The following KCNQ2 variants were observed in gnomAD, a reference collection of about 807,000 sequenced individuals.
KCNQ2 encodes potassium voltage-gated channel subfamily KQT member 2.
In KCNQ2, 14 loss-of-function variants were observed where a neutral mutation model predicts 84.8. The ratio of observed to expected loss-of-function variants is 0.17; its 90% CI spans 0.11 to 0.26. The LOEUF (loss-of-function observed/expected upper bound fraction) is 0.26. Ranked by LOEUF, KCNQ2 falls within the 10% of genes least tolerant of loss-of-function variation. The pLI is 1.00. For synonymous variants in KCNQ2, 599 were observed against 554.1 expected, an observed-to-expected ratio of 1.08 and a Z score of -1.14; for missense variants, 788 against 1,254.0, an observed-to-expected ratio of 0.63 and a Z score of 5.61.
chr20:63,471,116 G>C (rs958829317), intron 1 of KCNQ2: 8 of 152,462 alleles, frequency 5.2e-5, no homozygotes, highest in Admixed American at 5.2e-4. Flanking sequence ...TCTCGGCCCA[G>C]GTGGGCGCCC....
At chr20:63,434,232 A>C (rs187237922) in intron 7 of KCNQ2, 76 of 371,226 alleles carry the variant, frequency 2.0e-4, no homozygotes, top group African/African-American at 1.4e-3. Flanking sequence ...GGCGGGTATC[A>C]CCTGTCCTGG....
chr20:63,425,773 T>C lies in KCNQ2; in HGVS notation c.1218-1567A>G, dbSNP rs569873617. ...TCAAAACGTCCCAAATCCCATCCTC[T>C]GAAGTCATGACAATCACTTAAATCA... On this transcript the variant is annotated intron_variant, in intron 10 of 16. Transcript: ENST00000359125. This position sits in a 1 kb window ranked among gnomAD's most constrained non-coding sequence, Gnocchi z 5.5. Among the ~76,000 whole-genome samples, 31 of 152,210 alleles carry C rather than the reference T, an allele frequency of 2.0e-4. No homozygotes were observed. Among genetic ancestry groups the C allele is most frequent in the South Asian group, 6.2e-4 (3 of 4,824 alleles).
rs1024047259 is a variant in KCNQ2, at chr20:63,438,983, T to C, written c.928-263A>G. On this transcript the variant is annotated intron_variant, in intron 6 of 16. Transcript: ENST00000359125. This position sits in a 1 kb window ranked among gnomAD's most constrained non-coding sequence, Gnocchi z 5.1. ...AAGGTCAGACTAATCCAGGAACCCA[T>C]ATCCCCACAATTTGTCAGCATCAAG... Among the ~76,000 whole-genome samples the C allele has an allele frequency of 1.3e-5, 2 of 152,036 alleles. No individual in the cohort carries two copies. Among genetic ancestry groups the C allele is most frequent in the Non-Finnish European group, 2.9e-5 (2 of 68,008 alleles).
intron 1 of KCNQ2, chr20:63,471,314 A>G (rs533460246): frequency 6.6e-6 from 1 of 152,384 alleles, no homozygotes; most frequent in Admixed American, 6.5e-5. Context: ...TCCACATGCG[A>G]ACACCCAGGT....
At chr20:63,413,692 GCCCC>G in intron 14 of KCNQ2, 111 bp from the exon 15 acceptor site, 1 of 1,210,680 alleles carries the variant, frequency 8.3e-7, no homozygotes, top group Non-Finnish European at 1.2e-6. Flanking sequence ...GGCTGGACTT[GCCCC>G]TCTTGTCTGC....
chr20:63,467,309 G>A (rs910326409), intron 1 of KCNQ2, among the ~76,000 whole-genome samples: 1 of 152,228 alleles, frequency 6.6e-6, no homozygotes, highest in African/African-American at 2.4e-5. Context: ...ACTCTGTGTA[G>A]CAGATTCATC....
At chr20:63,442,890 TCACCACCATCAC>T (rs2081245758) in intron 4 of KCNQ2, among the ~76,000 whole-genome samples, 4 of 6,280 alleles carry the variant, frequency 6.4e-4, no homozygotes, top group African/African-American at 6.5e-4. Context: ...ACCACCACCA[TCACCACCATCAC>T]CACCACCATC....
Position 63,438,390 on chromosome 20 carries a change from G to A in KCNQ2, c.1023+235C>T. On this transcript the variant is annotated intron_variant, in intron 7 of 16. Transcript: ENST00000359125. The surrounding 1 kb of genome is among the most constrained non-coding windows in gnomAD (Gnocchi z 5.1). ...GGCCGGGCCCCAGCACCCACACAAG[G>A]CAAGGGCCACCCCAGCGTCCTCACA... 1 of 600,980 alleles carries A rather than the reference G, an allele frequency of 1.7e-6. No homozygotes were observed. The allele number at this position is 600,980 out of a possible 1,614,324, so 37.2% of individuals were successfully genotyped here.
intron 4 of KCNQ2, among the ~76,000 whole-genome samples, chr20:63,443,952 G>A (rs2081340293): frequency 6.6e-6 from 1 of 152,204 alleles, no homozygotes; most frequent in Admixed American, 6.5e-5. Context: ...ACCTCCCTGA[G>A]CCTCCGGGCA....
rs2081215342 is a variant in KCNQ2 at position 63,442,715 on chromosome 20, A to T, written c.691-184T>A. On this transcript the variant is annotated intron_variant, in intron 4 of 16. Coordinates refer to ENST00000359125, the MANE Select transcript of KCNQ2 (RefSeq NM_172107.4). The stretch of plus-strand genomic sequence containing the variant: ...CATCACCACCATCACCATCACCACC[A>T]CCACCACCATCATCACCACCTCCAC... 2.7e-5 allele frequency among the ~76,000 whole-genome samples: 3 copies of T among 111,992 alleles called. 1 individual carries two copies. The highest frequency in any genetic ancestry group is 5.6e-5 in the Non-Finnish European group (3 of 53,780). 73.5% of individuals were successfully genotyped at this position (111,992 alleles called of 152,430 possible). A position where few individuals can be genotyped will look rare whatever the true frequency, so the allele number is the denominator to read the frequency against.
rs2081435648 is a variant in KCNQ2 at position 63,446,676 on chromosome 20, G to T, written c.387+71C>A. 7.6e-7 allele frequency: 1 copy of T among 1,316,826 alleles called. No homozygotes were observed. The highest frequency in any genetic ancestry group is 1.1e-6 in the Non-Finnish European group (1 of 911,350). 81.6% of individuals were successfully genotyped at this position (1,316,826 alleles called of 1,614,324 possible). ...CAGAGGCCCTGTAGTAACAGGAACG[G>T]AAGACAGACGCCCAGGCAGCTCCAG... is the stretch of plus-strand genomic sequence containing the variant. On this transcript the variant is annotated intron_variant, in intron 2 of 16. Coordinates refer to ENST00000359125, the MANE Select transcript of KCNQ2 (RefSeq NM_172107.4). The surrounding 1 kb of genome is among the most constrained non-coding windows in gnomAD (Gnocchi z 5.5).
At chr20:63,461,868 C>T (rs1229576412) in intron 1 of KCNQ2, among the ~76,000 whole-genome samples, 2 of 142,022 alleles carry the variant, frequency 1.4e-5, no homozygotes, top group African/African-American at 5.3e-5. Context: ...AGCACCTACC[C>T]CGGGGCAGCA....
At chr20:63,424,111 G>A (rs534116909) in intron 11 of KCNQ2, 66 bp downstream of exon 11, 41 of 1,520,700 alleles carry the variant, frequency 2.7e-5, no homozygotes, top group East Asian at 1.5e-4. Context: ...TTGCGCACAC[G>A]TGTGGGAGAG....
At chr20:63,443,424 T>TCACCATCACCAC (rs1568937835) in intron 4 of KCNQ2, among the ~76,000 whole-genome samples, 1 of 36,616 alleles carries the variant, frequency 2.7e-5, no homozygotes, top group Admixed American at 2.5e-4. Context: ...ATCACCACCA[T>TCACCATCACCAC]CATCACCATC....
At position 63,445,146 on chromosome 20, in the gene KCNQ2, G is replaced by A. The variant is rs149064878; in HGVS notation, c.514+92C>T. On this transcript the variant is annotated intron_variant, in intron 3 of 16. Coordinates refer to ENST00000359125, the MANE Select transcript of KCNQ2 (RefSeq NM_172107.4). ...GAGCCAGTCCTGCCCAGCCTCTCTG[G>A]CCCACGCAGACGCCCCAGCTCCCCC... 3.9e-3 allele frequency: 6,074 copies of A among 1,557,818 alleles called. 26 individuals are homozygous for A. Among genetic ancestry groups the A allele is most frequent in the Non-Finnish European group, 3.8e-3 (4,266 of 1,130,756 alleles).
rs2082245511 is a variant in KCNQ2, at chr20:63,472,598, G to A, written c.-135C>T. ...GGCGGCGGTTCCGCACTCCTGCCGGGCTTGGGCCGCGCGCGGAGACGCTGC... is the reference window on the plus strand; with the variant it reads ...GGCGGCGGTTCCGCACTCCTGCCGGACTTGGGCCGCGCGCGGAGACGCTGC... On this transcript the variant is annotated 5_prime_UTR_variant, in exon 1 of 17. Coordinates refer to ENST00000359125, the MANE Select transcript of KCNQ2 (RefSeq NM_172107.4). 3 of 686,576 alleles carry A rather than the reference G, an allele frequency of 4.4e-6. No individual in the cohort carries two copies. The highest frequency in any genetic ancestry group is 5.7e-6 in the Non-Finnish European group (3 of 529,012). The allele number at this position is 686,576 out of a possible 1,614,324, so 42.5% of individuals were successfully genotyped here.
intron 10 of KCNQ2, among the ~76,000 whole-genome samples, chr20:63,427,146 C>T (rs1023003860): frequency 6.6e-6 from 1 of 152,214 alleles, no homozygotes; most frequent in African/African-American, 2.4e-5. Flanking sequence ...CACTTGTACC[C>T]GGGAAGTGGA....
rs1256624166 is a variant in KCNQ2 at position 63,407,610 on chromosome 20, G to C, written c.1888-235C>G. Among the ~76,000 whole-genome samples, 6 of 151,488 alleles carry C rather than the reference G, an allele frequency of 4.0e-5. No homozygotes were observed. The highest frequency in any genetic ancestry group is 3.9e-4 in the Admixed American group (6 of 15,234). On this transcript the variant is annotated intron_variant, in intron 16 of 16. Transcript: ENST00000359125. The surrounding 1 kb of genome is among the most constrained non-coding windows in gnomAD (Gnocchi z 7.2). ...CAGGAAACAGGAGAGACCCAGGCTA[G>C]TCCCAGGAAATGGGGGACCCAGGCT... is the stretch of plus-strand genomic sequence containing the variant.
At chr20:63,428,946 G>C (rs983647546) in intron 9 of KCNQ2, among the ~76,000 whole-genome samples, 2 of 152,062 alleles carry the variant, frequency 1.3e-5, no homozygotes, top group African/African-American at 4.8e-5. Context: ...GAGTCTATAG[G>C]ATGAGCCCAG....
Sources: gnomAD v4.1 joint callset for allele counts (sites outside exome capture counted in the v4.1 genomes callset) on GRCh38, gnomAD v4.1.1 for gene constraint, Gnocchi (gnomAD v3.1) non-coding constraint, MANE v1.5 for transcripts, NCBI Gene and HGNC (gene_info 2026-07-23, HGNC 2026-07-21) for gene names.